VPS13D: variants seen among roughly 807,000 people sequenced by gnomAD.
VPS13D encodes vacuolar protein sorting 13 homolog D, also known as intermembrane lipid transfer protein VPS13D.
A neutral mutation model predicts 461.9 loss-of-function variants in VPS13D; 187 were observed. The observed-to-expected ratio is 0.40, with a 90% CI of 0.36 to 0.46. The LOEUF (loss-of-function observed/expected upper bound fraction) is 0.46, where lower values mean the gene tolerates loss of function less well. VPS13D is among the 20% of genes least tolerant of loss of function. VPS13D has a pLI of 0.60. For synonymous variants in VPS13D, 1,951 were observed against 1,986.3 expected (o/e 0.98, Z 0.47); for missense variants, 4,711 against 5,364.9 (o/e 0.88, Z 3.81).
In VPS13D at chr1:12,374,724, A is replaced by G. The variant is rs144223006; in HGVS notation, c.10917+866A>G. ...TATCTGTTACTGTGTCAGTATGTGT[A>G]TGCGTATGTATGTATGTATTTATTT... On this transcript the variant is annotated intron_variant, in intron 55 of 69. Transcript: ENST00000620676. Among the ~76,000 whole-genome samples the G allele has an allele frequency of 2.0e-5, 3 of 152,174 alleles. No homozygotes were observed. In the East Asian group the frequency reaches 5.8e-4, roughly 29 times the overall value.
intron 67 of VPS13D, among the ~76,000 whole-genome samples, chr1:12,479,575 G>C (rs1220949672): frequency 6.6e-6 from 1 of 152,214 alleles, no homozygotes; most frequent in Non-Finnish European, 1.5e-5. Context: ...GAGGCACACA[G>C]GGGATACGTA....
At chr1:12,499,202 G>A (rs1202827516) in intron 68 of VPS13D, among the ~76,000 whole-genome samples, 1 of 152,094 alleles carries the variant, frequency 6.6e-6, no homozygotes, top group Non-Finnish European at 1.5e-5. Context: ...TACAATGGCA[G>A]CCCTGTGAGG....
rs569872344 is a variant in VPS13D at position 12,363,028 on chromosome 1, T to C, written c.10273-44T>C. On this transcript the variant is annotated intron_variant, in intron 51 of 69. Coordinates refer to ENST00000620676, the MANE Select transcript of VPS13D (RefSeq NM_015378.4). ...AGGTACTCAGTAACACTTATTGTCA[T>C]GAATCGACTTGTTGACTAAAGCCTG... 6 of 1,606,152 alleles carry C rather than the reference T, an allele frequency of 3.7e-6. No individual in the cohort carries two copies. The African/African-American group carries it at 4.0e-5, about 11-fold the overall frequency.
At chr1:12,392,547 A>T (rs1349232954) in intron 60 of VPS13D, among the ~76,000 whole-genome samples, 2 of 72,946 alleles carry the variant, frequency 2.7e-5, no homozygotes, top group African/African-American at 6.3e-5. Flanking sequence ...ATAAATGTTA[A>T]AAAAAAAAAA....
intron 63 of VPS13D, among the ~76,000 whole-genome samples, chr1:12,412,394 A>T (rs1419028357): frequency 3.3e-5 from 5 of 152,218 alleles, no homozygotes; most frequent in African/African-American, 1.2e-4. Flanking sequence ...AGCTTACACT[A>T]TTCGATTTCA....
At chr1:12,392,850 G>C (rs1475647025) in intron 60 of VPS13D, among the ~76,000 whole-genome samples, 1 of 152,222 alleles carries the variant, frequency 6.6e-6, no homozygotes, top group African/African-American at 2.4e-5. Flanking sequence ...TGGCAGAGCA[G>C]CTTGCACAGC....
At chr1:12,285,133 A>G (rs987938302) in intron 21 of VPS13D, among the ~76,000 whole-genome samples, 1 of 152,186 alleles carries the variant, frequency 6.6e-6, no homozygotes, top group Non-Finnish European at 1.5e-5. Context: ...AGAATTTTTG[A>G]CAAACATTTT....
At chr1:12,287,152 CATCCAGCTGACTAG>C (rs1198450582) in intron 21 of VPS13D, among the ~76,000 whole-genome samples, 1 of 152,160 alleles carries the variant, frequency 6.6e-6, no homozygotes, top group Non-Finnish European at 1.5e-5. Context: ...TGAGCCACTG[CATCCAGCTGACTAG>C]AGGTTTTTAA....
intron 67 of VPS13D, among the ~76,000 whole-genome samples, chr1:12,479,152 G>A (rs1645677822): frequency 6.6e-6 from 1 of 152,222 alleles, no homozygotes; most frequent in African/African-American, 2.4e-5. Flanking sequence ...GGAGTGGCCT[G>A]GGTTCTTACA....
rs1299203321 is a variant in VPS13D at position 12,416,698 on chromosome 1, G to A, written c.12204G>A (p.Val4068=). 1.2e-6 allele frequency: 2 copies of A among 1,613,898 alleles called. No homozygotes were observed. The highest frequency in any genetic ancestry group is 1.7e-6 in the Non-Finnish European group (2 of 1,179,976). The change falls in exon 65 of 70, where the codon GTG becomes GTA. Residue 4068 remains valine, a synonymous_variant. Transcript: ENST00000620676. ...AGGCAGCTCGAATCCTGGGATCAGT[G>A]GATTTTCTTGGCAATCCTATGGGGC... The part of the protein sequence containing the change: ...LSQAARILGS[V]DFLGNPMGLL...
At chr1:12,390,327 A>G (rs1045876888) in intron 60 of VPS13D, among the ~76,000 whole-genome samples, 1 of 152,084 alleles carries the variant, frequency 6.6e-6, no homozygotes, top group African/African-American at 2.4e-5. Context: ...AGCTATTATC[A>G]TCTAGTTGGC....
Position 12,507,204 on chromosome 1 carries a change from C to A in VPS13D, c.13035+111C>A. 6.3e-7 allele frequency: 1 copy of A among 1,586,138 alleles called. No individual in the cohort carries two copies. On this transcript the variant is annotated intron_variant, in intron 69 of 69. Transcript: ENST00000620676. The surrounding 1 kb of genome is among the most constrained non-coding windows in gnomAD (Gnocchi z 5.3). The stretch of plus-strand genomic sequence containing the variant: ...CTCATTTAGGAGGTTGAGGCTGGGC[C>A]CTTCCCAGGAGTGCTGCCTCTCAGT...
In VPS13D at chr1:12,473,359, C is replaced by T. The variant is rs780904736; in HGVS notation, c.12662+12963C>T. Reference sequence around the variant, plus strand: ...ACGTGGCAGTCAGTGTGAAAAGAAACCACGCATTTGCAGGAAGCAAGAAGG... The same window carrying T: ...ACGTGGCAGTCAGTGTGAAAAGAAATCACGCATTTGCAGGAAGCAAGAAGG... On this transcript the variant is annotated intron_variant, in intron 67 of 69. Transcript: ENST00000620676. This position sits in a 1 kb window ranked among gnomAD's most constrained non-coding sequence, Gnocchi z 4.2. Among the ~76,000 whole-genome samples, 1 of 152,212 alleles carries T rather than the reference C, an allele frequency of 6.6e-6. No homozygotes were observed. The highest frequency in any genetic ancestry group is 1.5e-5 in the Non-Finnish European group (1 of 68,036).
intron 23 of VPS13D, among the ~76,000 whole-genome samples, chr1:12,293,276 T>G (rs1642184369): frequency 6.6e-6 from 1 of 152,204 alleles, no homozygotes. Flanking sequence ...GAGCCTCAGG[T>G]GGCCTCTGAG....
rs144477935 is a variant in VPS13D at position 12,237,576 on chromosome 1, C to T, written c.97+3213C>T. ...CCTCACGCCTGTAATCCTAGCACTT[C>T]GGGAGGCCAAGGCCAGAGGATCACC... On this transcript the variant is annotated intron_variant, in intron 2 of 69. Coordinates refer to ENST00000620676, the MANE Select transcript of VPS13D (RefSeq NM_015378.4). 9.0e-3 allele frequency among the ~76,000 whole-genome samples: 1,283 copies of T among 142,254 alleles called. 15 individuals carry two copies. Among genetic ancestry groups the T allele is most frequent in the African/African-American group, 0.031 (1,197 of 38,278 alleles). The allele number at this position is 142,254 out of a possible 152,430, so 93.3% of individuals were successfully genotyped here.
intron 60 of VPS13D, among the ~76,000 whole-genome samples, chr1:12,389,999 G>A (rs1221750895): frequency 6.6e-6 from 1 of 152,196 alleles, no homozygotes; most frequent in East Asian, 1.9e-4. Flanking sequence ...TCCCTTCTTA[G>A]CCTCTTGACC....
chr1:12,275,799 T>A (rs367916326), intron 18 of VPS13D, 26 bp from the exon 19 acceptor site: 2 of 1,538,550 alleles, frequency 1.3e-6, no homozygotes, highest in East Asian at 2.3e-5. Context: ...AGACATATAT[T>A]TGAATCTTCT....
At chr1:12,410,859 A>G (rs180848711) in intron 63 of VPS13D, among the ~76,000 whole-genome samples, 1 of 152,364 alleles carries the variant, frequency 6.6e-6, no homozygotes. Context: ...TCAACACGAT[A>G]AAATAGAATA....
chr1:12,327,059 G>T (rs2101543557), intron 35 of VPS13D, among the ~76,000 whole-genome samples: 1 of 152,286 alleles, frequency 6.6e-6, no homozygotes, highest in Middle Eastern at 3.4e-3. Context: ...TTACACTCCA[G>T]GCTTCACTCT....
Sources: gnomAD v4.1 joint callset for allele counts (sites outside exome capture counted in the v4.1 genomes callset) on GRCh38, gnomAD v4.1.1 for gene constraint, Gnocchi (gnomAD v3.1) non-coding constraint, MANE v1.5 for transcripts, NCBI Gene and HGNC (gene_info 2026-07-23, HGNC 2026-07-21) for gene names.